The following TMEM207 variants were observed in gnomAD, a reference collection of about 807,000 sequenced individuals.
The protein encoded by TMEM207 is transmembrane protein 207, also known as SRSR846.
Under a neutral mutation model 17.4 loss-of-function variants are expected in TMEM207, and 15 were observed. That is an observed-to-expected ratio of 0.86 (90% CI 0.58 to 1.33). The LOEUF (loss-of-function observed/expected upper bound fraction) is 1.33, where lower values mean the gene tolerates loss of function less well. Among genes scored for constraint, TMEM207 ranks in the 40% most tolerant of loss-of-function variants. The probability of loss-of-function intolerance (pLI) is 0.00; values close to 1 mark genes in which losing one functional copy is unlikely to be tolerated. For synonymous variants in TMEM207, 70 were observed against 65.6 expected (o/e 1.07, Z -0.33); for missense variants, 205 against 173.8 (o/e 1.18, Z -1.01).
At chr3:190,440,111 G>A in intron 4 of TMEM207, 133 bp downstream of exon 4, 1 of 1,035,548 alleles carries the variant, frequency 9.7e-7, no homozygotes, top group Non-Finnish European at 1.4e-6. Flanking sequence ...TCTCCTCAGT[G>A]CAGGCCTTGG....
chr3:190,439,773 T>C (rs765919390), intron 4 of TMEM207, among the ~76,000 whole-genome samples: 17 of 152,178 alleles, frequency 1.1e-4, no homozygotes, highest in Non-Finnish European at 2.2e-4. Context: ...GACTATTCCA[T>C]GGAATTTCAG....
chr3:190,441,309 C>A lies in TMEM207; in HGVS notation c.158+129G>T, dbSNP rs1719932260. The A allele has an allele frequency of 4.2e-6, 3 of 706,668 alleles. No individual in the cohort carries two copies. In the South Asian group the frequency reaches 5.4e-5, roughly 13 times the overall value. The allele number at this position is 706,668 out of a possible 1,614,324, so 43.8% of individuals were successfully genotyped here. Reference sequence around the variant, plus strand: ...GGCCAACGATCTGAAAGTGATGTTTCTATATTCATTTGCATGACCCCTAAT... The same window carrying A: ...GGCCAACGATCTGAAAGTGATGTTTATATATTCATTTGCATGACCCCTAAT... On this transcript the variant is annotated intron_variant, in intron 3 of 4. Coordinates refer to ENST00000354905, the MANE Select transcript of TMEM207 (RefSeq NM_207316.3).
At chr3:190,443,522 G>C (rs1008640247) in intron 2 of TMEM207, among the ~76,000 whole-genome samples, 4 of 152,036 alleles carry the variant, frequency 2.6e-5, no homozygotes, top group African/African-American at 9.7e-5. Flanking sequence ...AGGCATCTTT[G>C]AGATCATTTA....
rs543425674 is a variant in TMEM207 at position 190,431,222 on chromosome 3, T to C, written c.305-1491A>G. Among the ~76,000 whole-genome samples the C allele has an allele frequency of 5.9e-5, 9 of 152,198 alleles. No individual in the cohort carries two copies. The South Asian group carries it at 1.9e-3, about 32-fold the overall frequency. On this transcript the variant is annotated intron_variant, in intron 4 of 4. Coordinates refer to ENST00000354905, the MANE Select transcript of TMEM207 (RefSeq NM_207316.3). ...TTACATAATATTTCTTTACCTCAGT[T>C]TTCTCTTAGGCAATAAGGGTATAAT...
At chr3:190,436,391 A>G (rs1330840244) in intron 4 of TMEM207, among the ~76,000 whole-genome samples, 1 of 152,208 alleles carries the variant, frequency 6.6e-6, no homozygotes, top group Non-Finnish European at 1.5e-5. Flanking sequence ...CACCAGTGTC[A>G]TTCCAGAGAT....
intron 4 of TMEM207, among the ~76,000 whole-genome samples, chr3:190,430,949 A>C (rs1237132875): frequency 6.6e-6 from 1 of 152,208 alleles, no homozygotes; most frequent in African/African-American, 2.4e-5. Flanking sequence ...ATTAGGCATT[A>C]GTTGCTTCAC....
intron 3 of TMEM207, 93 bp downstream of exon 3, chr3:190,441,345 G>A: frequency 9.9e-7 from 1 of 1,014,066 alleles, no homozygotes; most frequent in Non-Finnish European, 1.5e-6. Context: ...CTTTCCTTAA[G>A]CTGTATGATT....
At chr3:190,439,121 G>C (rs1719871501) in intron 4 of TMEM207, among the ~76,000 whole-genome samples, 1 of 147,708 alleles carries the variant, frequency 6.8e-6, no homozygotes, top group Non-Finnish European at 1.5e-5. Context: ...AGCTTGCAGT[G>C]AGCGGAGATC....
chr3:190,440,651 CAG>C (rs770910895), intron 3 of TMEM207, among the ~76,000 whole-genome samples: 38 of 152,310 alleles, frequency 2.5e-4, no homozygotes, highest in Non-Finnish European at 4.1e-4. Flanking sequence ...TTCTAAAAGA[CAG>C]AGTCTTAATT....
intron 4 of TMEM207, among the ~76,000 whole-genome samples, chr3:190,438,980 G>A (rs113370555): frequency 1.1e-4 from 17 of 152,014 alleles, no homozygotes; most frequent in Middle Eastern, 3.4e-3. Flanking sequence ...ACGAGGTCAG[G>A]AGATCGAGAC....
chr3:190,443,321 T>C lies in TMEM207; in HGVS notation c.114-1839A>G, dbSNP rs150004098. Among the ~76,000 whole-genome samples the C allele has an allele frequency of 2.3e-3, 357 of 152,124 alleles. 2 individuals are homozygous for C. Among genetic ancestry groups the C allele is most frequent in the African/African-American group, 8.2e-3 (341 of 41,542 alleles). ...CAATTCTAAATATTAACCACCTCAT[T>C]GTGTTTCTTAAATCTAATTTTTAAG... On this transcript the variant is annotated intron_variant, in intron 2 of 4. Transcript: ENST00000354905.
At chr3:190,439,658 T>C (rs1445646927) in intron 4 of TMEM207, among the ~76,000 whole-genome samples, 7 of 152,126 alleles carry the variant, frequency 4.6e-5, no homozygotes, top group Non-Finnish European at 1.0e-4. Context: ...TACTTCCTTA[T>C]GCAAACTGGA....
At chr3:190,432,525 T>C (rs1283024463) in intron 4 of TMEM207, among the ~76,000 whole-genome samples, 1 of 152,220 alleles carries the variant, frequency 6.6e-6, no homozygotes, top group Non-Finnish European at 1.5e-5. Context: ...ATCATGTCTT[T>C]CCATGAAAAT....
At chr3:190,438,633 A>G (rs891635083) in intron 4 of TMEM207, among the ~76,000 whole-genome samples, 2 of 152,228 alleles carry the variant, frequency 1.3e-5, no homozygotes, top group African/African-American at 4.8e-5. Context: ...TCTTTCTTGA[A>G]GTGAGAGAAG....
intron 2 of TMEM207, 39 bp from the exon 3 acceptor site, chr3:190,441,521 A>G (rs368648238): frequency 5.8e-6 from 9 of 1,548,926 alleles, no homozygotes; most frequent in Non-Finnish European, 7.1e-6. Context: ...GGAACTCAGG[A>G]TAGCCAAAGC....
chr3:190,441,047 C>T (rs1037719299), intron 3 of TMEM207, among the ~76,000 whole-genome samples: 2 of 151,234 alleles, frequency 1.3e-5, no homozygotes, highest in Non-Finnish European at 2.9e-5. Context: ...GCAGCCTGGG[C>T]GACAGAGCAA....
At chr3:190,442,403 G>A (rs1248752842) in intron 2 of TMEM207, among the ~76,000 whole-genome samples, 1 of 152,144 alleles carries the variant, frequency 6.6e-6, no homozygotes, top group African/African-American at 2.4e-5. Flanking sequence ...ATTCATAAAT[G>A]TCAGTTAATT....
At chr3:190,431,559 G>A (rs896628561) in intron 4 of TMEM207, among the ~76,000 whole-genome samples, 5 of 151,966 alleles carry the variant, frequency 3.3e-5, no homozygotes, top group East Asian at 1.9e-4. Context: ...ATAAGTCTGC[G>A]GGACTTGATC....
chr3:190,440,110 T>C (rs1719895436), intron 4 of TMEM207, 134 bp downstream of exon 4: 1 of 1,040,738 alleles, frequency 9.6e-7, no homozygotes, highest in Admixed American at 3.0e-5. Flanking sequence ...CTCTCCTCAG[T>C]GCAGGCCTTG....
Sources: gnomAD v4.1 joint callset for allele counts (sites outside exome capture counted in the v4.1 genomes callset) on GRCh38, gnomAD v4.1.1 for gene constraint, MANE v1.5 for transcripts, NCBI Gene and HGNC (gene_info 2026-07-23, HGNC 2026-07-21) for gene names.